MAN1C1: variants seen among roughly 807,000 people sequenced by gnomAD.
MAN1C1 encodes the protein mannosyl-oligosaccharide 1,2-alpha-mannosidase IC.
Under a neutral mutation model 71.5 loss-of-function variants are expected in MAN1C1, and 49 were observed. The ratio of observed to expected loss-of-function variants is 0.69; its 90% confidence interval spans 0.54 to 0.87. The LOEUF is 0.87. MAN1C1 is among the 40% of genes least tolerant of loss of function. The probability of loss-of-function intolerance (pLI) is 0.00; values close to 1 mark genes in which losing one functional copy is unlikely to be tolerated. For missense variants in MAN1C1, 743 were observed against 835.0 expected, an observed-to-expected ratio of 0.89 and a Z score of 1.36; for synonymous variants, 352 against 343.7, an observed-to-expected ratio of 1.02 and a Z score of -0.27.
intron 2 of MAN1C1, among the ~76,000 whole-genome samples, chr1:25,734,489 G>A (rs1439263103): frequency 6.6e-6 from 1 of 152,236 alleles, no homozygotes; most frequent in East Asian, 1.9e-4. Flanking sequence ...GGCAAAAAAG[G>A]ATTGTTCTTA....
In MAN1C1 at chr1:25,753,656, G is replaced by C. The variant is rs2124355012; in HGVS notation, c.929+78G>C. ...TTTGTGTTTTGTCTGGGTGGTGCTGGTGAGGAGGCTCCAGGGGCAGTAGGC... is the reference window on the plus strand; with the variant it reads ...TTTGTGTTTTGTCTGGGTGGTGCTGCTGAGGAGGCTCCAGGGGCAGTAGGC... On this transcript the variant is annotated intron_variant, in intron 5 of 11. Transcript: ENST00000374332. The surrounding 1 kb of genome is among the most constrained non-coding windows in gnomAD (Gnocchi z 4.9). The C allele has an allele frequency of 2.2e-6, 3 of 1,352,600 alleles. No individual in the cohort carries two copies. The highest frequency in any genetic ancestry group is 3.1e-6 in the Non-Finnish European group (3 of 967,322). The allele number at this position is 1,352,600 out of a possible 1,614,324, so 83.8% of individuals were successfully genotyped here.
rs1274214397 is a variant in MAN1C1, at chr1:25,775,951, A to G, written c.1258-2154A>G. Reference sequence around the variant, plus strand: ...GCCCAGAGTGGAGTGCAGTGGTGCAATCTTGGCTCACCGCAACTTCTGCCT... The same window carrying G: ...GCCCAGAGTGGAGTGCAGTGGTGCAGTCTTGGCTCACCGCAACTTCTGCCT... On this transcript the variant is annotated intron_variant, in intron 8 of 11. Coordinates refer to ENST00000374332, the MANE Select transcript of MAN1C1 (RefSeq NM_020379.4). This position sits in a 1 kb window ranked among gnomAD's most constrained non-coding sequence, Gnocchi z 5.1. 1.3e-5 allele frequency: 2 copies of G among 152,044 alleles called. No homozygotes were observed. The highest frequency in any genetic ancestry group is 4.8e-5 in the African/African-American group (2 of 41,350). The allele number at this position is 152,044 out of a possible 1,614,324, so 9.4% of individuals were successfully genotyped here. A position where few individuals can be genotyped will look rare whatever the true frequency, so the allele number is the denominator to read the frequency against.
chr1:25,629,133 A>G (rs1399803703), intron 1 of MAN1C1, among the ~76,000 whole-genome samples: 1 of 152,188 alleles, frequency 6.6e-6, no homozygotes, highest in African/African-American at 2.4e-5. Flanking sequence ...GCAGGATCGA[A>G]TGGTAGATCT....
At chr1:25,652,991 C>T (rs2045715172) in intron 1 of MAN1C1, among the ~76,000 whole-genome samples, 1 of 152,148 alleles carries the variant, frequency 6.6e-6, no homozygotes, top group African/African-American at 2.4e-5. Flanking sequence ...CTCCTGGCCT[C>T]TGGAGTTCAA....
At chr1:25,781,334 G>T in intron 10 of MAN1C1, 1 of 534,514 alleles carries the variant, frequency 1.9e-6, no homozygotes, top group Admixed American at 3.3e-5. Flanking sequence ...TGTGAAGAGG[G>T]TTCTGAGTGC....
At chr1:25,622,602 C>T (rs2045231089) in intron 1 of MAN1C1, among the ~76,000 whole-genome samples, 1 of 152,188 alleles carries the variant, frequency 6.6e-6, no homozygotes, top group South Asian at 2.1e-4. Flanking sequence ...TTAGAAGTTG[C>T]AGCAATTTTC....
chr1:25,746,808 G>C lies in MAN1C1; in HGVS notation c.753+25G>C. 1.2e-6 allele frequency: 1 copy of C among 817,082 alleles called. No homozygotes were observed. Among genetic ancestry groups the C allele is most frequent in the Non-Finnish European group, 2.0e-6 (1 of 507,242 alleles). The allele number at this position is 817,082 out of a possible 1,614,324, so 50.6% of individuals were successfully genotyped here. A position where few individuals can be genotyped will look rare whatever the true frequency, so the allele number is the denominator to read the frequency against. On this transcript the variant is annotated intron_variant, in intron 3 of 11. Transcript: ENST00000374332. The surrounding 1 kb of genome is among the most constrained non-coding windows in gnomAD (Gnocchi z 4.0). ...GGTGAGTCAGAGGCCCTCGGCGGGG[G>C]AGGGGGGCGGGGGCCAGAAGAGGCC...
intron 2 of MAN1C1, among the ~76,000 whole-genome samples, chr1:25,690,765 A>G (rs948078022): frequency 2.0e-5 from 3 of 152,148 alleles, no homozygotes; most frequent in Admixed American, 1.3e-4. Context: ...TGTGGTGAGG[A>G]TTAGAGAGGA....
At chr1:25,726,989 G>A (rs908735568) in intron 2 of MAN1C1, among the ~76,000 whole-genome samples, 5 of 152,042 alleles carry the variant, frequency 3.3e-5, no homozygotes, top group African/African-American at 1.2e-4. Context: ...CCTGGGAAGT[G>A]GAGGTTGCAG....
rs973277758 is a variant in MAN1C1 at position 25,782,491 on chromosome 1, T to C, written c.1651-94T>C. On this transcript the variant is annotated intron_variant, in intron 10 of 11. Transcript: ENST00000374332. This position sits in a 1 kb window ranked among gnomAD's most constrained non-coding sequence, Gnocchi z 4.4. The stretch of plus-strand genomic sequence containing the variant: ...AGGGGTGGGGGTGCTGTCTGCTTTC[T>C]TCTAGCTCCAGCCTGCCAGGCATGC... 1.6e-5 allele frequency: 13 copies of C among 794,904 alleles called. No homozygotes were observed. Among genetic ancestry groups the C allele is most frequent in the Non-Finnish European group, 2.4e-5 (11 of 466,222 alleles). 49.2% of individuals were successfully genotyped at this position (794,904 alleles called of 1,614,324 possible). A position where few individuals can be genotyped will look rare whatever the true frequency, so the allele number is the denominator to read the frequency against.
intron 7 of MAN1C1, among the ~76,000 whole-genome samples, chr1:25,766,348 G>T (rs1026256928): frequency 2.0e-5 from 3 of 147,736 alleles, no homozygotes; most frequent in South Asian, 2.2e-4. Context: ...TTTTTTGTTG[G>T]TTTTTTTTTT....
chr1:25,747,011 G>A (rs910487747), intron 3 of MAN1C1, among the ~76,000 whole-genome samples: 1 of 152,180 alleles, frequency 6.6e-6, no homozygotes, highest in Non-Finnish European at 1.5e-5. Flanking sequence ...CCCTGGGGAG[G>A]GGACACAGCC....
chr1:25,731,381 G>A (rs2046908421), intron 2 of MAN1C1, among the ~76,000 whole-genome samples: 1 of 151,806 alleles, frequency 6.6e-6, no homozygotes, highest in African/African-American at 2.4e-5. Flanking sequence ...CAAATGAGAG[G>A]CAACTCATAG....
chr1:25,642,400 A>G (rs1191578234), intron 1 of MAN1C1, among the ~76,000 whole-genome samples: 1 of 152,220 alleles, frequency 6.6e-6, no homozygotes, highest in East Asian at 1.9e-4. Context: ...GTTTCATCTC[A>G]GCCATGCCAG....
chr1:25,644,696 G>A (rs911174448), intron 1 of MAN1C1: 2 of 151,128 alleles, frequency 1.3e-5, no homozygotes, highest in Non-Finnish European at 1.5e-5. Context: ...ATTGTTTTGC[G>A]TTTTTGTGGA....
chr1:25,743,408 G>A (rs1339166656), intron 2 of MAN1C1, among the ~76,000 whole-genome samples: 2 of 152,214 alleles, frequency 1.3e-5, no homozygotes, highest in Non-Finnish European at 2.9e-5. Context: ...TTCCTCCTGG[G>A]GAGCTGCCCC....
intron 1 of MAN1C1, among the ~76,000 whole-genome samples, chr1:25,632,871 T>C (rs2124754649): frequency 6.7e-6 from 1 of 148,416 alleles, no homozygotes; most frequent in Non-Finnish European, 1.5e-5. Context: ...TTTGATTTTT[T>C]TTTTTTTTTT....
intron 4 of MAN1C1, among the ~76,000 whole-genome samples, chr1:25,750,416 C>A (rs775459718): frequency 7.0e-6 from 1 of 142,002 alleles, no homozygotes; most frequent in African/African-American, 2.5e-5. Flanking sequence ...GCTGGACGCC[C>A]CCCTGCTCTG....
intron 1 of MAN1C1, among the ~76,000 whole-genome samples, chr1:25,637,802 C>A (rs2045483782): frequency 6.6e-6 from 1 of 151,976 alleles, no homozygotes; most frequent in South Asian, 2.1e-4. Flanking sequence ...TGTATTTCTT[C>A]ATTTCTGATA....
Sources: gnomAD v4.1 joint callset for allele counts (sites outside exome capture counted in the v4.1 genomes callset) on GRCh38, gnomAD v4.1.1 for gene constraint, Gnocchi (gnomAD v3.1) non-coding constraint, MANE v1.5 for transcripts, NCBI Gene and HGNC (gene_info 2026-07-23, HGNC 2026-07-21) for gene names.